Variants in SLC22A23 observed in about 807,000 individuals in gnomAD.
The protein encoded by SLC22A23 is ion transporter protein.
In SLC22A23, 26 loss-of-function variants were observed where a neutral mutation model predicts 61.0. The observed-to-expected ratio is 0.43, with a 90% CI of 0.31 to 0.59. The LOEUF (loss-of-function observed/expected upper bound fraction) is 0.59, where lower values mean the gene tolerates loss of function less well. SLC22A23 is among the 20% of genes least tolerant of loss of function. SLC22A23 has a pLI of 0.11. For missense variants in SLC22A23, 796 were observed against 934.7 expected (o/e 0.85, Z 1.94); for synonymous variants, 430 against 413.9 (o/e 1.04, Z -0.47).
At chr6:3,351,297 T>C (rs1390407658) in intron 3 of SLC22A23, among the ~76,000 whole-genome samples, 2 of 152,184 alleles carry the variant, frequency 1.3e-5, no homozygotes, top group Admixed American at 1.3e-4. Flanking sequence ...CTTTGTCCAG[T>C]GTAATCGGAG....
intron 3 of SLC22A23, among the ~76,000 whole-genome samples, chr6:3,367,007 C>T (rs184431852): frequency 1.3e-5 from 2 of 152,262 alleles, no homozygotes; most frequent in African/African-American, 4.8e-5. Context: ...TGAACAAGAA[C>T]TTACTTATAT....
In SLC22A23 at chr6:3,317,502, T is replaced by C. The variant is rs1762709350; in HGVS notation, c.1082+6332A>G. Among the ~76,000 whole-genome samples, 1 of 152,164 alleles carries C rather than the reference T, an allele frequency of 6.6e-6. No homozygotes were observed. The highest frequency in any genetic ancestry group is 1.5e-5 in the Non-Finnish European group (1 of 68,026). On this transcript the variant is annotated intron_variant, in intron 4 of 9. Transcript: ENST00000406686. This position sits in a 1 kb window ranked among gnomAD's most constrained non-coding sequence, Gnocchi z 4.4. The stretch of plus-strand genomic sequence containing the variant: ...TCCCTTCTTCTTGTGGTTTGGATCT[T>C]GCATCTTCCCCGCCAACCCCTCGTT...
chr6:3,431,247 G>A (rs894545169), intron 1 of SLC22A23, among the ~76,000 whole-genome samples: 5 of 152,230 alleles, frequency 3.3e-5, no homozygotes, highest in African/African-American at 1.2e-4. Context: ...ATGTCACAGA[G>A]TGGAATGTTA....
intron 4 of SLC22A23, chr6:3,312,720 C>A (rs1017766524): frequency 6.6e-6 from 1 of 152,360 alleles, no homozygotes; most frequent in African/African-American, 2.4e-5. Flanking sequence ...CAGACGCCAG[C>A]AATGGCAACA....
intron 8 of SLC22A23, 118 bp from the exon 9 acceptor site, chr6:3,284,093 G>T (rs922693447): frequency 5.6e-5 from 58 of 1,038,750 alleles, no homozygotes; most frequent in Non-Finnish European, 7.6e-5. Context: ...GGCATGGATG[G>T]GTATGCAATT....
Position 3,328,059 on chromosome 6 carries a change from C to T in SLC22A23, c.914-4057G>A, listed in dbSNP as rs1157568965. Among the ~76,000 whole-genome samples the T allele has an allele frequency of 6.6e-6, 1 of 151,920 alleles. No homozygotes were observed. The highest frequency in any genetic ancestry group is 1.9e-4 in the East Asian group (1 of 5,200). On this transcript the variant is annotated intron_variant, in intron 3 of 9. Coordinates refer to ENST00000406686, the MANE Select transcript of SLC22A23 (RefSeq NM_015482.2). This position sits in a 1 kb window ranked among gnomAD's most constrained non-coding sequence, Gnocchi z 5.0. ...CAAGTCGCTCATTGGTCTCATTCGACATGGTGAGATCCTGTCTCTAAAAAA... is the reference window on the plus strand; with the variant it reads ...CAAGTCGCTCATTGGTCTCATTCGATATGGTGAGATCCTGTCTCTAAAAAA...
chr6:3,445,053 GC>G (rs1771820218), intron 1 of SLC22A23: 3 of 869,026 alleles, frequency 3.5e-6, no homozygotes, highest in Non-Finnish European at 4.1e-6. Context: ...CCAGTGTTCT[GC>G]GTCTGTCCTC....
rs1420163874 is a variant in SLC22A23 at position 3,427,598 on chromosome 6, G to C, written c.655-11743C>G. On this transcript the variant is annotated intron_variant, in intron 1 of 9. Transcript: ENST00000406686. This position sits in a 1 kb window ranked among gnomAD's most constrained non-coding sequence, Gnocchi z 4.3. ...TACCCGGGGCTCTACCGTGCTTTCA[G>C]GTCCTCCCACCACCTCTCAGGATGC... 6.6e-6 allele frequency among the ~76,000 whole-genome samples: 1 copy of C among 152,082 alleles called. No homozygotes were observed. Among genetic ancestry groups the C allele is most frequent in the African/African-American group, 2.4e-5 (1 of 41,416 alleles).
intron 9 of SLC22A23, among the ~76,000 whole-genome samples, chr6:3,279,509 CAA>C (rs10642564): frequency 9.5e-3 from 341 of 35,978 alleles, no homozygotes; most frequent in African/African-American, 0.015. Context: ...GGCTCCGTCT[CAA>C]AAAAAAAAAA....
At chr6:3,289,962 CACAGA>C in intron 5 of SLC22A23, 96 bp from the exon 6 acceptor site, 2 of 807,734 alleles carry the variant, frequency 2.5e-6, no homozygotes, top group Non-Finnish European at 4.2e-6. Context: ...GTTCGGGTAC[CACAGA>C]AGGGAGAGAG....
At chr6:3,409,442 G>C (rs2127512069) in intron 3 of SLC22A23, among the ~76,000 whole-genome samples, 1 of 152,300 alleles carries the variant, frequency 6.6e-6, no homozygotes, top group South Asian at 2.1e-4. Flanking sequence ...CCTGACTCCT[G>C]TGCGTGTGGT....
chr6:3,378,545 G>C (rs1162340005), intron 3 of SLC22A23, among the ~76,000 whole-genome samples: 1 of 152,072 alleles, frequency 6.6e-6, no homozygotes, highest in Non-Finnish European at 1.5e-5. Context: ...CTACTTGAAG[G>C]GCATTAGACT....
chr6:3,284,861 C>T (rs1561864977), intron 8 of SLC22A23: 4 of 1,521,740 alleles, frequency 2.6e-6, no homozygotes, highest in Non-Finnish European at 2.6e-6. Flanking sequence ...CCAAGCAGCA[C>T]ACAAACAGGG....
intron 3 of SLC22A23, among the ~76,000 whole-genome samples, chr6:3,345,359 TTTTC>T (rs1392804702): frequency 7.9e-6 from 1 of 127,044 alleles, no homozygotes; most frequent in Non-Finnish European, 1.6e-5. Context: ...TTTATATCTC[TTTTC>T]TTTTTTTTTT....
At chr6:3,424,349 A>G (rs1277551779) in intron 1 of SLC22A23, among the ~76,000 whole-genome samples, 1 of 152,206 alleles carries the variant, frequency 6.6e-6, no homozygotes, top group Non-Finnish European at 1.5e-5. Context: ...CACCACAACC[A>G]AAATGATTTG....
intron 1 of SLC22A23, among the ~76,000 whole-genome samples, chr6:3,441,610 C>T (rs560579035): frequency 2.6e-5 from 4 of 152,296 alleles, no homozygotes; most frequent in South Asian, 2.1e-4. Context: ...TGCCCACTGA[C>T]GGAAGCGACT....
chr6:3,417,018 C>T (rs905925168), intron 1 of SLC22A23, among the ~76,000 whole-genome samples: 4 of 152,126 alleles, frequency 2.6e-5, no homozygotes, highest in African/African-American at 9.7e-5. Context: ...ACAGAGGATC[C>T]TTAGAGGGCA....
At chr6:3,361,795 C>G (rs1220995481) in intron 3 of SLC22A23, among the ~76,000 whole-genome samples, 1 of 152,342 alleles carries the variant, frequency 6.6e-6, no homozygotes, top group East Asian at 1.9e-4. Flanking sequence ...CTCAACAGAT[C>G]GCAAAGGCCT....
At chr6:3,340,725 G>A (rs1301175073) in intron 3 of SLC22A23, among the ~76,000 whole-genome samples, 3 of 152,174 alleles carry the variant, frequency 2.0e-5, no homozygotes, top group Non-Finnish European at 4.4e-5. Context: ...GGGGCTACTG[G>A]GAAAAGGGCA....
Sources: gnomAD v4.1 joint callset for allele counts (sites outside exome capture counted in the v4.1 genomes callset) on GRCh38, gnomAD v4.1.1 for gene constraint, Gnocchi (gnomAD v3.1) non-coding constraint, MANE v1.5 for transcripts, NCBI Gene and HGNC (gene_info 2026-07-23, HGNC 2026-07-21) for gene names.